Variants in TMEM71 observed in about 807,000 individuals in gnomAD.
The protein encoded by TMEM71 is transmembrane protein 71.
In TMEM71, 44 loss-of-function variants were observed where a neutral mutation model predicts 38.0. That is an observed-to-expected ratio of 1.16 (90% CI 0.91 to 1.49). TMEM71 has a LOEUF of 1.49. Among genes scored for constraint, TMEM71 ranks in the 40% most tolerant of loss-of-function variants. The pLI, the probability that TMEM71 is intolerant of heterozygous loss-of-function variation, is 0.00. For missense variants in TMEM71, 367 were observed against 348.6 expected (o/e 1.05, Z -0.42); for synonymous variants, 133 against 122.5 (o/e 1.09, Z -0.56).
chr8:132,757,348 C>T, intron 2 of TMEM71, 54 bp from the exon 3 acceptor site: 1 of 1,314,076 alleles, frequency 7.6e-7, no homozygotes, highest in Non-Finnish European at 1.1e-6. Context: ...TCAACAGTTA[C>T]ATATGTTGAT....
intron 5 of TMEM71, among the ~76,000 whole-genome samples, chr8:132,731,938 C>A (rs891832258): frequency 3.3e-5 from 5 of 152,082 alleles, no homozygotes; most frequent in African/African-American, 1.2e-4. Flanking sequence ...AGGTGACATA[C>A]CCAGAGAAGA....
intron 3 of TMEM71, among the ~76,000 whole-genome samples, chr8:132,753,795 A>G (rs1484070326): frequency 6.6e-6 from 1 of 152,182 alleles, no homozygotes; most frequent in Non-Finnish European, 1.5e-5. Context: ...GGTTATCTTA[A>G]TAATTAAATA....
chr8:132,732,751 C>T (rs533445874), intron 5 of TMEM71, among the ~76,000 whole-genome samples: 2 of 152,182 alleles, frequency 1.3e-5, no homozygotes, highest in East Asian at 1.9e-4. Flanking sequence ...TTCTCCTCCC[C>T]GGGGACATGG....
At chr8:132,718,486 C>G (rs1826660788) in intron 7 of TMEM71, among the ~76,000 whole-genome samples, 1 of 150,820 alleles carries the variant, frequency 6.6e-6, no homozygotes, top group South Asian at 2.1e-4. Context: ...CAAGATCCAC[C>G]TCCCGGGTTC....
chr8:132,757,115 C>G, intron 3 of TMEM71, 119 bp downstream of exon 3: 1 of 516,832 alleles, frequency 1.9e-6, no homozygotes, highest in South Asian at 1.8e-5. Context: ...CCAGGATGGT[C>G]TCCATCTCCT....
chr8:132,717,852 A>G (rs1244638152), intron 7 of TMEM71, among the ~76,000 whole-genome samples: 1 of 152,252 alleles, frequency 6.6e-6, no homozygotes, highest in African/African-American at 2.4e-5. Context: ...AATGCCCATC[A>G]ACTGACGAAT....
At chr8:132,760,975 G>A (rs900420049), upstream of TMEM71, among the ~76,000 whole-genome samples, 1 of 152,166 alleles carries the variant, frequency 6.6e-6, no homozygotes, top group African/African-American at 2.4e-5. Flanking sequence ...ATGCACTGAT[G>A]CTATTAAATT....
chr8:132,773,856 G>C, the TMEM71 span, among the ~76,000 whole-genome samples: 1 of 152,086 alleles, frequency 6.6e-6, no homozygotes, highest in African/African-American at 2.4e-5. Flanking sequence ...CATTTAGTTT[G>C]GGTAGGATTA....
At chr8:132,750,146 T>C (rs1045136971) in intron 4 of TMEM71, among the ~76,000 whole-genome samples, 2 of 152,138 alleles carry the variant, frequency 1.3e-5, no homozygotes, top group African/African-American at 4.8e-5. Flanking sequence ...CTAAAATGGA[T>C]GTAGGAATAA....
At chr8:132,752,888 G>T (rs892182632) in intron 3 of TMEM71, among the ~76,000 whole-genome samples, 1 of 134,730 alleles carries the variant, frequency 7.4e-6, no homozygotes, top group Admixed American at 7.6e-5. Context: ...AGGAAGGAAG[G>T]AATCACATGG....
chr8:132,713,967 C>A (rs1285160362), intron 9 of TMEM71, 28 bp downstream of exon 9: 1 of 1,610,046 alleles, frequency 6.2e-7, no homozygotes, highest in Non-Finnish European at 8.5e-7. Context: ...TTGGTCCAGA[C>A]AATAATGATG....
At chr8:132,767,855 T>C in the TMEM71 span, among the ~76,000 whole-genome samples, 1 of 152,182 alleles carries the variant, frequency 6.6e-6, no homozygotes, top group African/African-American at 2.4e-5. Flanking sequence ...GTCGGGTGAA[T>C]AATTCATGGG....
chr8:132,763,805 C>T (rs1038562476), upstream of TMEM71, among the ~76,000 whole-genome samples: 1 of 152,204 alleles, frequency 6.6e-6, no homozygotes, highest in African/African-American at 2.4e-5. Context: ...TGTTTCATAT[C>T]AGCTCCCACG....
At chr8:132,738,636 T>C (rs1827871889) in intron 5 of TMEM71, among the ~76,000 whole-genome samples, 1 of 152,244 alleles carries the variant, frequency 6.6e-6, no homozygotes. Flanking sequence ...AAACCCCAAA[T>C]CCTCAATATG....
At chr8:132,714,668 C>G (rs1234973300) in intron 7 of TMEM71, among the ~76,000 whole-genome samples, 1 of 151,808 alleles carries the variant, frequency 6.6e-6, no homozygotes, top group Admixed American at 6.6e-5. Flanking sequence ...TTTTAAAATG[C>G]AATACCAAAT....
At chr8:132,748,893 C>T (rs1201848982) in intron 4 of TMEM71, among the ~76,000 whole-genome samples, 2 of 152,122 alleles carry the variant, frequency 1.3e-5, no homozygotes, top group Admixed American at 1.3e-4. Context: ...GCCCTGTGAG[C>T]TTGGGAAAAT....
intron 4 of TMEM71, among the ~76,000 whole-genome samples, chr8:132,751,275 A>G (rs1356058803): frequency 6.6e-6 from 1 of 152,190 alleles, no homozygotes; most frequent in African/African-American, 2.4e-5. Context: ...AAGTTTTACC[A>G]GGGTCTCTCA....
At chr8:132,725,037 C>CT (rs1247792607) in intron 6 of TMEM71, among the ~76,000 whole-genome samples, 4 of 124,436 alleles carry the variant, frequency 3.2e-5, no homozygotes, top group Non-Finnish European at 3.5e-5. Context: ...CTTTTCTTTT[C>CT]TTTTTTTTCT....
intron 9 of TMEM71, among the ~76,000 whole-genome samples, chr8:132,712,156 T>G (rs926786947): frequency 3.9e-5 from 6 of 152,160 alleles, no homozygotes; most frequent in Admixed American, 1.3e-4. Flanking sequence ...AAGTCAATAG[T>G]CCTTGTTTTC....
Sources: gnomAD v4.1 joint callset for allele counts (sites outside exome capture counted in the v4.1 genomes callset) on GRCh38, gnomAD v4.1.1 for gene constraint, MANE v1.5 for transcripts, NCBI Gene and HGNC (gene_info 2026-07-23, HGNC 2026-07-21) for gene names.